EFL1: variants seen among roughly 807,000 people sequenced by gnomAD.
EFL1 encodes elongation factor like GTPase 1.
Under a neutral mutation model 126.7 loss-of-function variants are expected in EFL1, and 76 were observed. The observed-to-expected ratio is 0.60, with a 90% CI of 0.50 to 0.73. The LOEUF (loss-of-function observed/expected upper bound fraction) is 0.73. EFL1 is among the 30% of genes least tolerant of loss of function. The pLI is 0.00. For synonymous variants in EFL1, 410 were observed against 448.4 expected (o/e 0.91, Z 1.08); for missense variants, 1,128 against 1,343.2 (o/e 0.84, Z 2.50).
intron 6 of EFL1, among the ~76,000 whole-genome samples, chr15:82,239,382 C>A (rs184084004): frequency 7.9e-4 from 121 of 152,248 alleles, no homozygotes; most frequent in Non-Finnish European, 1.5e-3. Context: ...GTGATCCACC[C>A]GCCTCGGCCT....
chr15:82,139,614 C>G (rs1021571255), intron 18 of EFL1, among the ~76,000 whole-genome samples: 1 of 152,222 alleles, frequency 6.6e-6, no homozygotes, highest in Admixed American at 6.5e-5. Context: ...GTAAGGAGAA[C>G]AGACCCTGCA....
At chr15:82,145,971 TAGAA>T (rs1242548169) in intron 18 of EFL1, among the ~76,000 whole-genome samples, 1 of 150,598 alleles carries the variant, frequency 6.6e-6, no homozygotes, top group African/African-American at 2.4e-5. Context: ...ATTAACAGAT[TAGAA>T]GGAAAAAATA....
intron 15 of EFL1, among the ~76,000 whole-genome samples, chr15:82,175,389 G>T (rs2074184038): frequency 6.6e-6 from 1 of 152,106 alleles, no homozygotes; most frequent in Non-Finnish European, 1.5e-5. Flanking sequence ...ATTACTTCCT[G>T]GTGAGAAGCA....
chr15:82,228,985 C>T (rs1187064275), intron 9 of EFL1, 49 bp downstream of exon 9: 1 of 1,482,620 alleles, frequency 6.7e-7, no homozygotes, highest in African/African-American at 1.4e-5. Flanking sequence ...GAAAGTGAGA[C>T]AAATTATACT....
intron 15 of EFL1, among the ~76,000 whole-genome samples, chr15:82,198,229 G>A (rs1430060533): frequency 2.6e-5 from 4 of 152,154 alleles, no homozygotes; most frequent in Non-Finnish European, 5.9e-5. Context: ...CCCTGCTAGA[G>A]CTGGAACATT....
At chr15:82,225,133 C>T in intron 12 of EFL1, 32 bp downstream of exon 12, 1 of 1,545,816 alleles carries the variant, frequency 6.5e-7, no homozygotes, top group Non-Finnish European at 8.9e-7. Context: ...CACCATATTC[C>T]TAGCCCAGCC....
intron 16 of EFL1, among the ~76,000 whole-genome samples, chr15:82,163,487 GATCACACCAGTGTAC>G (rs1275212666): frequency 1.3e-5 from 2 of 152,178 alleles, no homozygotes; most frequent in Admixed American, 6.5e-5. Flanking sequence ...GTTGAGTCAA[GATCACACCAGTGTAC>G]TCTAGCCTGC....
chr15:82,146,694 CA>C (rs1567039863), intron 18 of EFL1, among the ~76,000 whole-genome samples: 1 of 151,206 alleles, frequency 6.6e-6, no homozygotes, highest in Non-Finnish European at 1.5e-5. Context: ...GTCTCAGGGG[CA>C]AAGTATTAAG....
chr15:82,188,651 T>C (rs1160343838), intron 15 of EFL1, among the ~76,000 whole-genome samples: 1 of 152,140 alleles, frequency 6.6e-6, no homozygotes, highest in Admixed American at 6.6e-5. Context: ...GATTCTACAT[T>C]CAGATTTTTT....
At chr15:82,184,411 C>T (rs1302357325) in intron 15 of EFL1, among the ~76,000 whole-genome samples, 1 of 152,148 alleles carries the variant, frequency 6.6e-6, no homozygotes, top group Non-Finnish European at 1.5e-5. Context: ...AGACAAAATC[C>T]TGCAATCAGG....
chr15:82,227,098 A>T (rs1295807923), intron 11 of EFL1, among the ~76,000 whole-genome samples: 1 of 152,238 alleles, frequency 6.6e-6, no homozygotes, highest in Non-Finnish European at 1.5e-5. Context: ...GCAGGGTTAC[A>T]AAACCAATAG....
chr15:82,211,061 A>G (rs545213289), intron 15 of EFL1, among the ~76,000 whole-genome samples: 15 of 151,806 alleles, frequency 9.9e-5, no homozygotes, highest in African/African-American at 3.4e-4. Flanking sequence ...TATTCTTTCC[A>G]TTTCAAAACT....
In EFL1 at chr15:82,130,445, C is replaced by T. The variant is rs899423512; in HGVS notation, c.3291G>A (p.Arg1097=). 6.2e-7 allele frequency: 1 copy of T among 1,614,064 alleles called. No homozygotes were observed. The highest frequency in any genetic ancestry group is 8.5e-7 in the Non-Finnish European group (1 of 1,180,046). The change falls in exon 20 of 20, where the codon CGG becomes CGA. Residue 1097 remains arginine (R), a synonymous_variant. Coordinates refer to ENST00000268206, the MANE Select transcript of EFL1 (RefSeq NM_024580.6). ...TCTTTTCTTCCACATAAAGCCCCTT[C>T]CGCTTTCGTACTGCGTTCATGTACT... ...ARKYMNAVRK[R]KGLYVEEKIV...
chr15:82,219,235 T>C (rs62012010), intron 14 of EFL1, among the ~76,000 whole-genome samples: 24,016 of 152,254 alleles, frequency 0.16, 2,437 homozygotes, highest in Non-Finnish European at 0.24. Flanking sequence ...TCAGGGTCTG[T>C]GTGCCATGCA....
At chr15:82,238,207 T>C (rs2074893920) in intron 7 of EFL1, 100 bp downstream of exon 7, 4 of 1,290,636 alleles carry the variant, frequency 3.1e-6, no homozygotes, top group South Asian at 2.9e-5. Context: ...CTTACAACTA[T>C]AGGTGAATCT....
intron 15 of EFL1, among the ~76,000 whole-genome samples, chr15:82,168,286 T>C (rs559479070): frequency 2.6e-5 from 4 of 152,290 alleles, no homozygotes; most frequent in Admixed American, 6.5e-5. Context: ...GTCACCCTTT[T>C]CCAAGCCTGC....
At chr15:82,192,843 AAAAGAAAG>A (rs34352552) in intron 15 of EFL1, among the ~76,000 whole-genome samples, 136 of 152,070 alleles carry the variant, frequency 8.9e-4, no homozygotes, top group African/African-American at 1.4e-3. Context: ...TTTTATTAAA[AAAAGAAAG>A]AAAGAAAGAA....
At chr15:82,167,145 A>G (rs2074088091) in intron 15 of EFL1, among the ~76,000 whole-genome samples, 1 of 152,238 alleles carries the variant, frequency 6.6e-6, no homozygotes, top group Non-Finnish European at 1.5e-5. Flanking sequence ...TACAAGAAAT[A>G]AAAGAGAAAG....
In EFL1 at chr15:82,214,820, G is replaced by C; in HGVS notation, c.1647C>G (p.Leu549=). Residue 549 remains leucine (L), a synonymous_variant, in exon 15 of 20, where the codon CTC becomes CTG. Coordinates refer to ENST00000268206, the MANE Select transcript of EFL1 (RefSeq NM_024580.6). ...AGTATGCCATGTGGGGGACTTGGGG[G>C]AGGCCATCTGGTGGAGCTGAGAAGC... ...PLGFSAPPDG[L]PQVPHMAYCA... 6.3e-7 allele frequency: 1 copy of C among 1,590,274 alleles called. No homozygotes were observed. The highest frequency in any genetic ancestry group is 8.5e-7 in the Non-Finnish European group (1 of 1,173,204).
Sources: gnomAD v4.1 joint callset for allele counts (sites outside exome capture counted in the v4.1 genomes callset) on GRCh38, gnomAD v4.1.1 for gene constraint, MANE v1.5 for transcripts, NCBI Gene and HGNC (gene_info 2026-07-23, HGNC 2026-07-21) for gene names.